Variants in STEAP3 observed in about 807,000 individuals in gnomAD.
The protein encoded by STEAP3 is metalloreductase STEAP3.
A neutral mutation model predicts 34.9 loss-of-function variants in STEAP3; 35 were observed. The ratio of observed to expected loss-of-function variants is 1.00; its 90% CI spans 0.76 to 1.33. The LOEUF is 1.33. Among genes scored for constraint, STEAP3 ranks in the 40% most tolerant of loss-of-function variants. STEAP3 has a pLI of 0.00. For missense variants in STEAP3, 652 were observed against 667.6 expected (o/e 0.98, Z 0.26); for synonymous variants, 281 against 301.6 (o/e 0.93, Z 0.71).
At position 119,254,709 on chromosome 2, in the gene STEAP3, G is replaced by T; in HGVS notation, c.1076G>T (p.Trp359Leu). Residue 359 changes from tryptophan (W) to leucine (L), a missense_variant, in exon 5 of 6, where the codon TGG becomes TTG. Physicochemically the swap from Trp to Leu is moderately conservative, Grantham distance 61. Coordinates refer to ENST00000393110, the MANE Select transcript of STEAP3 (RefSeq NM_182915.3). ...KQVLANKSHL[W>L]VEEEVWRMEI... ...GTCTTGGCCAACAAGAGCCACCTCT[G>T]GGTGGAGGAGGAGGTCTGGCGGATG... The T allele has an allele frequency of 6.2e-7, 1 of 1,614,146 alleles. No individual in the cohort carries two copies.
chr2:119,254,654 T>C (rs754650363), intron 4 of STEAP3, 30 bp from the exon 5 acceptor site: 13 of 1,612,430 alleles, frequency 8.1e-6, no homozygotes, highest in Non-Finnish European at 1.1e-5. Flanking sequence ...TTTGCCACAG[T>C]GTTCATGGTT....
intron 5 of STEAP3, among the ~76,000 whole-genome samples, chr2:119,258,124 C>A (rs112851573): frequency 0.074 from 11,332 of 152,156 alleles, 435 homozygotes; most frequent in Middle Eastern, 0.12. Flanking sequence ...GGTTCCTTAC[C>A]TTTTTAGACC....
chr2:119,262,856 G>T (rs555600019), intron 5 of STEAP3, among the ~76,000 whole-genome samples: 1 of 152,222 alleles, frequency 6.6e-6, no homozygotes, highest in Non-Finnish European at 1.5e-5. Context: ...CCATTTTCCT[G>T]TTGTGGAAGC....
intron 1 of STEAP3, among the ~76,000 whole-genome samples, chr2:119,225,495 C>A (rs748551641): frequency 6.6e-6 from 1 of 152,212 alleles, no homozygotes. Flanking sequence ...CAGGACCAGG[C>A]CAGGTCAAGC....
rs777781096 is a variant in STEAP3, at chr2:119,245,500, C to G, written c.34C>G (p.Pro12Ala). 3 of 1,583,406 alleles carry G rather than the reference C, an allele frequency of 1.9e-6. No homozygotes were observed. Among genetic ancestry groups the G allele is most frequent in the Non-Finnish European group, 2.6e-6 (3 of 1,158,498 alleles). The change falls in exon 3 of 6, where the codon CCA (proline) becomes GCA (alanine). Residue 12 changes from proline to alanine, a missense_variant. Pro to Ala is a conservative substitution (Grantham distance 27). Transcript: ENST00000393110. ...GACTTCTCTTGCAGCCACCAAAATG[C>G]CAGAAGAGATGGACAAGCCACTGAT... is the stretch of plus-strand genomic sequence containing the variant. The part of the protein sequence containing the change: ...SHQPAVATKM[P>A]EEMDKPLISL...
At chr2:119,262,335 TACACACAC>T (rs3054837) in intron 5 of STEAP3, among the ~76,000 whole-genome samples, 2 of 150,052 alleles carry the variant, frequency 1.3e-5, no homozygotes, top group Admixed American at 6.7e-5. Flanking sequence ...GTAAAATTTA[TACACACAC>T]ACACACACAC....
chr2:119,227,193 G>C (rs1288206856), intron 1 of STEAP3, among the ~76,000 whole-genome samples: 1 of 152,162 alleles, frequency 6.6e-6, no homozygotes, highest in Non-Finnish European at 1.5e-5. Flanking sequence ...GCTCATGTGA[G>C]TGAGCAAGGA....
At chr2:119,236,528 A>G (rs1677098973) in intron 2 of STEAP3, among the ~76,000 whole-genome samples, 1 of 152,124 alleles carries the variant, frequency 6.6e-6, no homozygotes, top group African/African-American at 2.4e-5. Flanking sequence ...CATTGTGGGG[A>G]GTGGCCTGGC....
At chr2:119,226,008 G>C (rs150582082) in intron 1 of STEAP3, among the ~76,000 whole-genome samples, 1 of 152,228 alleles carries the variant, frequency 6.6e-6, no homozygotes, top group South Asian at 2.1e-4. Flanking sequence ...CTTGTAGACC[G>C]AACCACTAGC....
intron 2 of STEAP3, among the ~76,000 whole-genome samples, chr2:119,231,520 C>A (rs1676936389): frequency 6.6e-6 from 1 of 152,138 alleles, no homozygotes; most frequent in Non-Finnish European, 1.5e-5. Context: ...CCAGATTTTT[C>A]TGGAATGATT....
At chr2:119,256,302 G>T (rs964923870) in intron 5 of STEAP3, among the ~76,000 whole-genome samples, 2 of 152,178 alleles carry the variant, frequency 1.3e-5, no homozygotes, top group Non-Finnish European at 2.9e-5. Flanking sequence ...GAAGGTCCCT[G>T]GAGGAGGGCT....
Position 119,230,986 on chromosome 2 carries a change from A to G in STEAP3, c.-27A>G. Reference sequence around the variant, plus strand: ...CACGGTGAGGCTGTCGAGTGACCTGAGAGCCTCAGACCCTCACGTCAGCCG... The same window carrying G: ...CACGGTGAGGCTGTCGAGTGACCTGGGAGCCTCAGACCCTCACGTCAGCCG... On this transcript the variant is annotated 5_prime_UTR_variant, in exon 2 of 6. Coordinates refer to ENST00000393110, the MANE Select transcript of STEAP3 (RefSeq NM_182915.3). 6.2e-7 allele frequency: 1 copy of G among 1,614,146 alleles called. No individual in the cohort carries two copies. Among genetic ancestry groups the G allele is most frequent in the Non-Finnish European group, 8.5e-7 (1 of 1,180,000 alleles).
chr2:119,240,717 G>C (rs1388219263), intron 2 of STEAP3, among the ~76,000 whole-genome samples: 1 of 152,214 alleles, frequency 6.6e-6, no homozygotes, highest in African/African-American at 2.4e-5. Flanking sequence ...TGGCAGTTCT[G>C]TCCACAGCTT....
intron 2 of STEAP3, among the ~76,000 whole-genome samples, chr2:119,236,785 C>G (rs79976994): frequency 0.014 from 2,100 of 152,244 alleles, 41 homozygotes; most frequent in African/African-American, 0.045. Context: ...ACACATCTGC[C>G]CTGTTCACTG....
At chr2:119,229,082 G>A (rs1470258362) in intron 1 of STEAP3, among the ~76,000 whole-genome samples, 1 of 152,124 alleles carries the variant, frequency 6.6e-6, no homozygotes, top group Non-Finnish European at 1.5e-5. Flanking sequence ...TCTGGGCCTG[G>A]GGCTGCCCAG....
At chr2:119,232,265 T>G (rs1156400109) in intron 2 of STEAP3, among the ~76,000 whole-genome samples, 1 of 152,082 alleles carries the variant, frequency 6.6e-6, no homozygotes, top group African/African-American at 2.4e-5. Context: ...GCACAGTGGA[T>G]CCGGGGCAGG....
At chr2:119,231,342 CGTGT>C (rs6146901) in intron 2 of STEAP3, among the ~76,000 whole-genome samples, 7,539 of 143,514 alleles carry the variant, frequency 0.053, 299 homozygotes, top group African/African-American at 0.11. Context: ...CACACAGTTG[CGTGT>C]GTGTGTGTGT....
rs999476826 is a variant in STEAP3, at chr2:119,263,391, C to T, written c.*53C>T. 24 of 1,574,402 alleles carry T rather than the reference C, an allele frequency of 1.5e-5. No homozygotes were observed. Among genetic ancestry groups the T allele is most frequent in the Non-Finnish European group, 1.8e-5 (21 of 1,160,982 alleles). Reference sequence around the variant, plus strand: ...GGCACACGAGGGACGGTGCCCTGAGCCCGTTAGGTTTTCTTTTCTTGGTGG... The same window carrying T: ...GGCACACGAGGGACGGTGCCCTGAGTCCGTTAGGTTTTCTTTTCTTGGTGG... On this transcript the variant is annotated 3_prime_UTR_variant, in exon 6 of 6. Transcript: ENST00000393110.
intron 4 of STEAP3, among the ~76,000 whole-genome samples, chr2:119,251,700 C>T (rs1677631088): frequency 6.6e-6 from 1 of 152,064 alleles, no homozygotes; most frequent in Non-Finnish European, 1.5e-5. Context: ...CAGCTAGACT[C>T]CCTCCGCAGC....
Sources: allele counts gnomAD v4.1 joint callset (sites outside exome capture counted in the v4.1 genomes callset), GRCh38; gene constraint gnomAD v4.1.1; transcripts MANE v1.5; gene names NCBI Gene and HGNC (gene_info 2026-07-23, HGNC 2026-07-21).